Variants in HMCN1 observed in about 807,000 individuals in gnomAD.
HMCN1 encodes hemicentin 1.
A neutral mutation model predicts 625.9 loss-of-function variants in HMCN1; 321 were observed. That is an observed-to-expected ratio of 0.51 (90% CI 0.47 to 0.56). The LOEUF (loss-of-function observed/expected upper bound fraction) is 0.56, where lower values mean the gene tolerates loss of function less well. Among genes scored for constraint, HMCN1 ranks in the 20% least tolerant of loss-of-function variants. The probability of loss-of-function intolerance (pLI) is 0.00; values close to 1 mark genes in which losing one functional copy is unlikely to be tolerated. For synonymous variants in HMCN1, 2,425 were observed against 2,417.6 expected (o/e 1.00, Z -0.09); for missense variants, 6,588 against 6,887.3 (o/e 0.96, Z 1.54).
chr1:186,014,577 C>A (rs573075601), intron 30 of HMCN1, among the ~76,000 whole-genome samples: 1 of 151,998 alleles, frequency 6.6e-6, no homozygotes, highest in South Asian at 2.1e-4. Context: ...GTGTGAGAGG[C>A]CAGACTTGTG....
Position 186,120,131 on chromosome 1 carries a change from A to G in HMCN1, c.12215A>G (p.Lys4072Arg). The change falls in exon 80 of 107, where the codon AAG (lysine) becomes AGG (arginine). Residue 4072 changes from lysine to arginine, a missense_variant. By Grantham distance (26) the Lys-to-Arg change is conservative. Transcript: ENST00000271588. ...NPAGTALGKI[K>R]LNVQVPPVIS... ...GCTGGTACAGCCTTGGGCAAAATCA[A>G]GTTAAATGTCCAAGGTACCTAAATA... is the stretch of plus-strand genomic sequence containing the variant. The G allele has an allele frequency of 6.2e-7, 1 of 1,613,932 alleles. No individual in the cohort carries two copies. The highest frequency in any genetic ancestry group is 2.2e-5 in the East Asian group (1 of 44,866).
At chr1:185,915,487 A>G (rs1450378388) in intron 6 of HMCN1, among the ~76,000 whole-genome samples, 1 of 152,058 alleles carries the variant, frequency 6.6e-6, no homozygotes, top group African/African-American at 2.4e-5. Context: ...GTCTAGGATT[A>G]TCAGTGTGAT....
intron 10 of HMCN1, 69 bp downstream of exon 10, chr1:185,928,736 AC>A: frequency 1.3e-6 from 2 of 1,519,110 alleles, no homozygotes; most frequent in Non-Finnish European, 1.8e-6. Context: ...ATGTTTGTTA[AC>A]CAGTTTGTGT....
In HMCN1 at chr1:186,029,148, G is replaced by GA. The variant is rs200518773; in HGVS notation, c.5749+6005dup. Among the ~76,000 whole-genome samples the GA allele has an allele frequency of 8.9e-4, 132 of 148,102 alleles. 1 individual carries two copies. The highest frequency in any genetic ancestry group is 7.2e-3 in the South Asian group (34 of 4,692). On this transcript the variant is annotated intron_variant, in intron 36 of 106. Coordinates refer to ENST00000271588, the MANE Select transcript of HMCN1 (RefSeq NM_031935.3). ...GTGAAGACTTAATAGAAGTCTTTCA[G>GA]AAAAAAAAAATGCTTAGCAATAATT...
In HMCN1 at chr1:186,015,426, TG is replaced by T; in HGVS notation, c.4900del (p.Asp1634MetfsTer7). ...GGAACTGCTGAAAAATCATTCCATG[TG>T]GATGTCTATGGTGAGGAACAACATA... ...VAGTAEKSFH[V>X]DVYVPPMIEG... On this transcript the variant is annotated frameshift_variant, in exon 31 of 107. Transcript: ENST00000271588. LOFTEE classifies it high-confidence loss of function. 2 of 1,613,492 alleles carry T rather than the reference TG, an allele frequency of 1.2e-6. No homozygotes were observed. The highest frequency in any genetic ancestry group is 1.7e-6 in the Non-Finnish European group (2 of 1,179,600).
chr1:186,029,741 A>T (rs1043595389), intron 36 of HMCN1, among the ~76,000 whole-genome samples: 1 of 150,446 alleles, frequency 6.6e-6, no homozygotes, highest in Non-Finnish European at 1.5e-5. Context: ...ATATACTCTA[A>T]TTTTTTTTGT....
chr1:186,016,555 A>T (rs1220559718), intron 32 of HMCN1, among the ~76,000 whole-genome samples: 1 of 152,102 alleles, frequency 6.6e-6, no homozygotes, highest in African/African-American at 2.4e-5. Context: ...TGTGCCAGAT[A>T]ACAGGAAACT....
At chr1:186,004,167 ACTGT>A (rs1167110145) in intron 29 of HMCN1, among the ~76,000 whole-genome samples, 1 of 152,164 alleles carries the variant, frequency 6.6e-6, no homozygotes, top group Non-Finnish European at 1.5e-5. Flanking sequence ...TTTACATTGA[ACTGT>A]CTTATTAAAA....
Position 185,953,161 on chromosome 1 carries a change from GC to G in HMCN1, c.1829-9353del, listed in dbSNP as rs1649360445. Among the ~76,000 whole-genome samples, 4 of 151,264 alleles carry G rather than the reference GC, an allele frequency of 2.6e-5. No individual in the cohort carries two copies. In the South Asian group the frequency reaches 8.4e-4, roughly 32 times the overall value. ...GGTTGAGGGGTACTGAGGGGTACTT[GC>G]CCCTCCCCCCAGAAAAGCAGAGAAG... is the stretch of plus-strand genomic sequence containing the variant. On this transcript the variant is annotated intron_variant, in intron 11 of 106. Transcript: ENST00000271588.
intron 1 of HMCN1, among the ~76,000 whole-genome samples, chr1:185,782,678 CT>C (rs1490710674): frequency 6.6e-6 from 1 of 152,246 alleles, no homozygotes; most frequent in East Asian, 1.9e-4. Context: ...ATTGGCCCCA[CT>C]CTCTTCTGGC....
Position 186,112,802 on chromosome 1 carries a change from C to G in HMCN1, c.10990-10C>G. 6.2e-7 allele frequency: 1 copy of G among 1,613,988 alleles called. No homozygotes were observed. Among genetic ancestry groups the G allele is most frequent in the Non-Finnish European group, 8.5e-7 (1 of 1,179,938 alleles). On this transcript the variant is annotated splice_polypyrimidine_tract_variant and intron_variant, in intron 71 of 106. Coordinates refer to ENST00000271588, the MANE Select transcript of HMCN1 (RefSeq NM_031935.3). ...TTTTAACGGCAAATTTCTTTACTTG[C>G]TGAATCCAGGCAACACCTCGAGTGC...
intron 48 of HMCN1, 93 bp from the exon 49 acceptor site, chr1:186,065,145 T>C: frequency 1.1e-6 from 1 of 937,888 alleles, no homozygotes; most frequent in Non-Finnish European, 1.7e-6. Flanking sequence ...ATGGGATATG[T>C]AGGAAGACAA....
intron 71 of HMCN1, among the ~76,000 whole-genome samples, 191 bp downstream of exon 71, chr1:186,108,788 G>A (rs1660743465): frequency 6.6e-6 from 1 of 152,188 alleles, no homozygotes; most frequent in Admixed American, 6.5e-5. Context: ...TGCTGGGGTA[G>A]TTAATAGTTG....
chr1:185,801,474 G>T (rs1658789262), intron 1 of HMCN1, among the ~76,000 whole-genome samples: 1 of 152,150 alleles, frequency 6.6e-6, no homozygotes, highest in African/African-American at 2.4e-5. Flanking sequence ...ATACTCACTT[G>T]GCCCTGAGAT....
At chr1:186,133,624 C>T (rs893193323) in intron 86 of HMCN1, among the ~76,000 whole-genome samples, 2 of 152,148 alleles carry the variant, frequency 1.3e-5, no homozygotes, top group Admixed American at 6.6e-5. Flanking sequence ...ACATTTTCTT[C>T]ATCACTATTG....
intron 21 of HMCN1, 26 bp downstream of exon 21, chr1:185,989,673 T>C (rs768396631): frequency 1.9e-6 from 3 of 1,611,802 alleles, no homozygotes; most frequent in Admixed American, 1.7e-5. Flanking sequence ...GGAATGGTTT[T>C]TATTGACATT....
chr1:185,857,821 A>G (rs1476906745), intron 2 of HMCN1, among the ~76,000 whole-genome samples: 1 of 152,110 alleles, frequency 6.6e-6, no homozygotes, highest in East Asian at 1.9e-4. Flanking sequence ...CCTACTAAGT[A>G]CTTCAAAAAA....
intron 4 of HMCN1, among the ~76,000 whole-genome samples, chr1:185,903,476 A>G (rs1445667029): frequency 6.6e-6 from 1 of 151,582 alleles, no homozygotes; most frequent in Non-Finnish European, 1.5e-5. Context: ...AAATCCTGTA[A>G]ATTATTTCTT....
chr1:186,126,363 A>G (rs1401558558), intron 82 of HMCN1, among the ~76,000 whole-genome samples: 2 of 152,138 alleles, frequency 1.3e-5, no homozygotes, highest in Non-Finnish European at 2.9e-5. Context: ...TCAGGGAACA[A>G]AAGAAACAAA....
Sources: allele counts gnomAD v4.1 joint callset (sites outside exome capture counted in the v4.1 genomes callset), GRCh38; gene constraint gnomAD v4.1.1; transcripts MANE v1.5; gene names NCBI Gene and HGNC (gene_info 2026-07-23, HGNC 2026-07-21).